The following GPHN variants were observed in gnomAD, a reference collection of about 807,000 sequenced individuals.
GPHN encodes gephyrin.
Under a neutral mutation model 95.5 loss-of-function variants are expected in GPHN, and 17 were observed. The observed-to-expected ratio is 0.18, with a 90% CI of 0.12 to 0.27. The LOEUF (loss-of-function observed/expected upper bound fraction) is 0.27, where lower values mean the gene tolerates loss of function less well. Ranked by LOEUF, GPHN falls within the 10% of genes least tolerant of loss-of-function variation. The pLI is 1.00. For missense variants in GPHN, 660 were observed against 978.1 expected (o/e 0.67, Z 4.34); for synonymous variants, 320 against 322.5 (o/e 0.99, Z 0.08).
intron 10 of GPHN, among the ~76,000 whole-genome samples, chr14:67,047,256 C>T (rs1179859610): frequency 6.6e-6 from 1 of 151,192 alleles, no homozygotes; most frequent in Admixed American, 6.6e-5. Context: ...GCATGAACAT[C>T]AGAACATCTT....
At chr14:67,135,528 A>G (rs760448311) in intron 17 of GPHN, among the ~76,000 whole-genome samples, 3 of 152,110 alleles carry the variant, frequency 2.0e-5, no homozygotes, top group Non-Finnish European at 2.9e-5. Context: ...ACTATTTTCT[A>G]GTTTTTGGTA....
At chr14:66,639,890 T>C (rs2064301119) in intron 1 of GPHN, among the ~76,000 whole-genome samples, 1 of 152,292 alleles carries the variant, frequency 6.6e-6, no homozygotes, top group Non-Finnish European at 1.5e-5. Context: ...TTGGGAGATT[T>C]TATATGTAAA....
At chr14:66,798,032 A>T (rs1349694128) in intron 3 of GPHN, among the ~76,000 whole-genome samples, 1 of 151,946 alleles carries the variant, frequency 6.6e-6, no homozygotes, top group African/African-American at 2.4e-5. Flanking sequence ...TTTTATCACA[A>T]AGGGATGTTG....
the GPHN span, chr14:67,241,361 G>T: frequency 6.5e-6 from 1 of 154,384 alleles, no homozygotes; most frequent in Non-Finnish European, 1.4e-5. Context: ...CGGTGACGGC[G>T]GCGACGGAGG....
At chr14:67,061,712 A>T (rs1350453875) in intron 11 of GPHN, among the ~76,000 whole-genome samples, 1 of 151,702 alleles carries the variant, frequency 6.6e-6, no homozygotes, top group Non-Finnish European at 1.5e-5. Flanking sequence ...AGGTCTCACT[A>T]TGTTTCCCAG....
chr14:66,614,286 T>C (rs753186889), intron 1 of GPHN, among the ~76,000 whole-genome samples: 1 of 152,124 alleles, frequency 6.6e-6, no homozygotes, highest in Non-Finnish European at 1.5e-5. Flanking sequence ...TTGTCCCAGA[T>C]CAAACGAGTA....
At chr14:67,732,419 G>C in the GPHN span, among the ~76,000 whole-genome samples, 1 of 104,000 alleles carries the variant, frequency 9.6e-6, no homozygotes, top group Non-Finnish European at 1.9e-5. Context: ...GATGAAGTGA[G>C]ACCCTATCTC....
chr14:67,242,706 G>A, the GPHN span, among the ~76,000 whole-genome samples: 3 of 151,844 alleles, frequency 2.0e-5, no homozygotes, highest in Non-Finnish European at 4.4e-5. Context: ...GGCAGGATGA[G>A]CTATTAAATT....
intron 5 of GPHN, among the ~76,000 whole-genome samples, chr14:66,890,159 C>A (rs542602862): frequency 6.6e-6 from 1 of 152,180 alleles, no homozygotes; most frequent in Non-Finnish European, 1.5e-5. Flanking sequence ...CACCTGTAAT[C>A]CCAACACTTT....
At chr14:66,852,975 T>C (rs1458026461) in intron 4 of GPHN, among the ~76,000 whole-genome samples, 1 of 152,232 alleles carries the variant, frequency 6.6e-6, no homozygotes, top group Non-Finnish European at 1.5e-5. Context: ...ATTTATTCAT[T>C]GTATAATCAG....
At chr14:66,712,658 C>T (rs2093293) in intron 2 of GPHN, among the ~76,000 whole-genome samples, 47,870 of 151,920 alleles carry the variant, frequency 0.32, 11,528 homozygotes, top group African/African-American at 0.65. Context: ...CCCATTTGTC[C>T]ATTTTGGCTT....
chr14:67,426,765 G>A, the GPHN span, among the ~76,000 whole-genome samples: 1 of 152,296 alleles, frequency 6.6e-6, no homozygotes, highest in South Asian at 2.1e-4. Context: ...AGTGCAGACG[G>A]GGTTTCTCCA....
chr14:67,160,813 A>G (rs897021245), intron 19 of GPHN, among the ~76,000 whole-genome samples: 2 of 152,178 alleles, frequency 1.3e-5, no homozygotes, highest in African/African-American at 4.8e-5. Context: ...TAAGTACCTC[A>G]TGTCAGTTCT....
At chr14:67,316,562 C>T in the GPHN span, among the ~76,000 whole-genome samples, 3 of 151,926 alleles carry the variant, frequency 2.0e-5, no homozygotes, top group African/African-American at 7.3e-5. Flanking sequence ...TCAATGAAAC[C>T]TTTTAAAAAG....
At chr14:66,559,185 A>G (rs1416714702) in intron 1 of GPHN, among the ~76,000 whole-genome samples, 6 of 152,084 alleles carry the variant, frequency 3.9e-5, no homozygotes, top group African/African-American at 1.4e-4. Flanking sequence ...TGTGAATAGT[A>G]CCGCAATAAA....
At chr14:66,785,221 C>A (rs779072274) in intron 3 of GPHN, among the ~76,000 whole-genome samples, 10 of 152,148 alleles carry the variant, frequency 6.6e-5, no homozygotes, top group Non-Finnish European at 1.5e-4. Flanking sequence ...ACAGGAATAT[C>A]CAGGCATGGT....
chr14:67,703,972 T>A, the GPHN span, among the ~76,000 whole-genome samples: 30 of 152,326 alleles, frequency 2.0e-4, no homozygotes, highest in African/African-American at 5.1e-4. Flanking sequence ...GCCACTGTGC[T>A]TGGCCTGGCA....
At chr14:66,688,187 C>T (rs940568435) in intron 2 of GPHN, among the ~76,000 whole-genome samples, 5 of 152,092 alleles carry the variant, frequency 3.3e-5, no homozygotes, top group African/African-American at 4.8e-5. Flanking sequence ...ATTTACTATT[C>T]ACTAAGTCAA....
the GPHN span, among the ~76,000 whole-genome samples, chr14:67,731,137 T>A: frequency 2.6e-5 from 4 of 151,940 alleles, no homozygotes; most frequent in Non-Finnish European, 5.9e-5. Context: ...ACATTTTAAA[T>A]GTAGCTGCTA....
Sources: gnomAD v4.1 joint callset for allele counts (sites outside exome capture counted in the v4.1 genomes callset) on GRCh38, gnomAD v4.1.1 for gene constraint, MANE v1.5 for transcripts, NCBI Gene and HGNC (gene_info 2026-07-23, HGNC 2026-07-21) for gene names.